Variants in PTPRK observed in about 807,000 individuals in gnomAD.
PTPRK encodes protein tyrosine phosphatase receptor type K.
PTPRK carries 75 observed loss-of-function variants against 178.0 expected under a neutral mutation model. The observed-to-expected ratio is 0.42, with a 90% CI of 0.35 to 0.51. PTPRK has a LOEUF of 0.51. PTPRK is among the 20% of genes least tolerant of loss of function. PTPRK has a pLI of 0.02. For synonymous variants in PTPRK, 637 were observed against 620.6 expected (o/e 1.03, Z -0.39); for missense variants, 1,441 against 1,797.8 (o/e 0.80, Z 3.59).
intron 7 of PTPRK, among the ~76,000 whole-genome samples, chr6:128,151,748 A>G (rs1290264464): frequency 6.6e-6 from 1 of 152,084 alleles, no homozygotes; most frequent in African/African-American, 2.4e-5. Context: ...ACAAACTTCT[A>G]AAAAAGAAGT....
chr6:127,990,314 T>C (rs574487284), intron 21 of PTPRK, among the ~76,000 whole-genome samples: 1 of 152,204 alleles, frequency 6.6e-6, no homozygotes, highest in South Asian at 2.1e-4. Flanking sequence ...CTCTCCCCTC[T>C]GTCAGAAACA....
intron 7 of PTPRK, among the ~76,000 whole-genome samples, chr6:128,145,533 C>G (rs926801376): frequency 5.9e-5 from 9 of 151,902 alleles, no homozygotes; most frequent in Non-Finnish European, 1.3e-4. Flanking sequence ...TTATTGTGTA[C>G]TCCCCCATGA....
intron 17 of PTPRK, 70 bp downstream of exon 17, chr6:127,996,830 AT>A: frequency 6.6e-7 from 1 of 1,517,032 alleles, no homozygotes; most frequent in Non-Finnish European, 8.9e-7. Context: ...ACTCTCTGGG[AT>A]TTTTCTTAAA....
At chr6:128,250,195 G>A (rs1338272990) in intron 3 of PTPRK, among the ~76,000 whole-genome samples, 1 of 152,104 alleles carries the variant, frequency 6.6e-6, no homozygotes, top group Admixed American at 6.6e-5. Context: ...TCTCATGTAT[G>A]TCTTTATCAG....
chr6:128,269,735 G>A (rs1257065730), intron 3 of PTPRK, among the ~76,000 whole-genome samples: 2 of 151,994 alleles, frequency 1.3e-5, no homozygotes, highest in African/African-American at 2.4e-5. Context: ...ACATTACAGA[G>A]ACAATGTAAT....
chr6:128,463,466 C>T (rs1284438430), intron 1 of PTPRK, among the ~76,000 whole-genome samples: 1 of 152,130 alleles, frequency 6.6e-6, no homozygotes, highest in Non-Finnish European at 1.5e-5. Context: ...ACCACAAAGG[C>T]TTCAATTTAC....
At chr6:128,171,156 A>G (rs929492085) in intron 7 of PTPRK, among the ~76,000 whole-genome samples, 4 of 152,092 alleles carry the variant, frequency 2.6e-5, no homozygotes, top group African/African-American at 7.2e-5. Flanking sequence ...AAGAAGAAAC[A>G]CTTCAAGTAA....
intron 7 of PTPRK, among the ~76,000 whole-genome samples, chr6:128,126,787 C>A (rs1793453813): frequency 6.6e-6 from 1 of 152,158 alleles, no homozygotes. Flanking sequence ...TGGCACTCAG[C>A]CCAGAAATAA....
chr6:128,346,815 CAG>C, intron 2 of PTPRK, among the ~76,000 whole-genome samples: 1 of 152,112 alleles, frequency 6.6e-6, no homozygotes, highest in African/African-American at 2.4e-5. Context: ...TGGAAAACAT[CAG>C]CAAAGCACTA....
rs760606085 is a variant in PTPRK, at chr6:127,973,772, T to C, written c.4025A>G (p.His1342Arg). The C allele has an allele frequency of 1.2e-6, 2 of 1,613,850 alleles. No individual in the cohort carries two copies. The highest frequency in any genetic ancestry group is 1.7e-6 in the Non-Finnish European group (2 of 1,179,752). Residue 1342 changes from histidine to arginine, a missense_variant, in exon 28 of 30, where the codon CAT becomes CGT. By Grantham distance (29) the His-to-Arg change is conservative. Transcript: ENST00000368226. ...CCTTTTGGATCCAGGCACTTCTCGA[T>C]GAGAAGCCCATCCTAGGTACTGAAA... is the stretch of plus-strand genomic sequence containing the variant. ...QQFQYLGWASHREVPGSKRSF... is the reference protein window; with the variant it reads ...QQFQYLGWASRREVPGSKRSF...
intron 1 of PTPRK, among the ~76,000 whole-genome samples, chr6:128,419,072 A>G (rs1266797423): frequency 6.6e-6 from 1 of 152,202 alleles, no homozygotes; most frequent in Non-Finnish European, 1.5e-5. Context: ...CAGTAATTCA[A>G]ATGAAGTATA....
intron 27 of PTPRK, among the ~76,000 whole-genome samples, chr6:127,975,256 TCAG>T (rs928717790): frequency 2.6e-5 from 4 of 152,234 alleles, no homozygotes; most frequent in African/African-American, 9.6e-5. Flanking sequence ...CTTACTGTCT[TCAG>T]CAGTTCTGTT....
At chr6:127,983,024 T>A (rs773657099) in intron 23 of PTPRK, 44 bp from the exon 24 acceptor site, 35 of 1,555,508 alleles carry the variant, frequency 2.3e-5, no homozygotes, top group Non-Finnish European at 3.0e-5. Flanking sequence ...AGTTTTAGTA[T>A]CACTTTTCTG....
chr6:128,242,189 C>T (rs1258022461), intron 4 of PTPRK, among the ~76,000 whole-genome samples: 1 of 152,022 alleles, frequency 6.6e-6, no homozygotes, highest in Non-Finnish European at 1.5e-5. Context: ...CTCTGATTTG[C>T]TATTCTTCTC....
At chr6:128,498,099 C>T (rs1173934935) in intron 1 of PTPRK, among the ~76,000 whole-genome samples, 2 of 151,960 alleles carry the variant, frequency 1.3e-5, no homozygotes, top group East Asian at 1.9e-4. Context: ...GTAAATAAAT[C>T]CCCTGAAACT....
intron 2 of PTPRK, among the ~76,000 whole-genome samples, chr6:128,357,311 G>C (rs1178047548): frequency 6.6e-6 from 1 of 152,214 alleles, no homozygotes; most frequent in Non-Finnish European, 1.5e-5. Flanking sequence ...CTATGGATCA[G>C]AGTTCAGATT....
Position 128,459,071 on chromosome 6 carries a change from T to C in PTPRK, c.100+61188A>G, listed in dbSNP as rs143478496. ...ACAGGTTAAAAGTATCAGGAATCTATTGCAAAGGAAGAAAAAGATTAATGG... is the reference window on the plus strand; with the variant it reads ...ACAGGTTAAAAGTATCAGGAATCTACTGCAAAGGAAGAAAAAGATTAATGG... On this transcript the variant is annotated intron_variant, in intron 1 of 29. Coordinates refer to ENST00000368226, the MANE Select transcript of PTPRK (RefSeq NM_002844.4). 7.2e-5 allele frequency among the ~76,000 whole-genome samples: 11 copies of C among 152,262 alleles called. No individual in the cohort carries two copies. In the East Asian group the frequency reaches 2.1e-3, roughly 29 times the overall value.
intron 27 of PTPRK, among the ~76,000 whole-genome samples, chr6:127,974,840 A>C (rs1469466918): frequency 6.6e-6 from 1 of 152,218 alleles, no homozygotes; most frequent in African/African-American, 2.4e-5. Flanking sequence ...ACTCTGTATC[A>C]GTAGAACTTT....
At chr6:128,426,860 C>A (rs1844206800) in intron 1 of PTPRK, among the ~76,000 whole-genome samples, 1 of 152,140 alleles carries the variant, frequency 6.6e-6, no homozygotes, top group South Asian at 2.1e-4. Flanking sequence ...CCAAGGAACA[C>A]TTGTTAAATA....
Sources: gnomAD v4.1 joint callset for allele counts (sites outside exome capture counted in the v4.1 genomes callset) on GRCh38, gnomAD v4.1.1 for gene constraint, MANE v1.5 for transcripts, NCBI Gene and HGNC (gene_info 2026-07-23, HGNC 2026-07-21) for gene names.